The following GAD2 variants were observed in gnomAD, a reference collection of about 807,000 sequenced individuals.
GAD2 encodes glutamate decarboxylase 2.
GAD2 carries 22 observed loss-of-function variants against 80.1 expected under a neutral mutation model. That is an observed-to-expected ratio of 0.27 (90% CI 0.20 to 0.39). The LOEUF (loss-of-function observed/expected upper bound fraction) is 0.39. Ranked by LOEUF, GAD2 falls within the 10% of genes least tolerant of loss-of-function variation. The pLI, the probability that GAD2 is intolerant of heterozygous loss-of-function variation, is 1.00. For missense variants in GAD2, 624 were observed against 738.4 expected (o/e 0.85, Z 1.80); for synonymous variants, 274 against 256.9 (o/e 1.07, Z -0.64).
intron 8 of GAD2, among the ~76,000 whole-genome samples, chr10:26,262,513 A>G (rs1845021574): frequency 6.6e-6 from 1 of 151,734 alleles, no homozygotes; most frequent in Non-Finnish European, 1.5e-5. Flanking sequence ...TCAATGTCCC[A>G]TCTTTTGAAT....
At chr10:26,275,504 T>G (rs7900976) in intron 11 of GAD2, among the ~76,000 whole-genome samples, 36,471 of 152,152 alleles carry the variant, frequency 0.24, 4,974 homozygotes, top group African/African-American at 0.37. Context: ...GTAACTAAAC[T>G]TTTCAAATGG....
intron 8 of GAD2, among the ~76,000 whole-genome samples, chr10:26,265,078 C>T (rs954657808): frequency 6.6e-6 from 1 of 152,150 alleles, no homozygotes; most frequent in Non-Finnish European, 1.5e-5. Flanking sequence ...GTCCAAGGTA[C>T]ATTCTGTGTC....
At chr10:26,266,353 T>A (rs1458487845) in intron 8 of GAD2, among the ~76,000 whole-genome samples, 6 of 152,220 alleles carry the variant, frequency 3.9e-5, no homozygotes, top group Admixed American at 3.9e-4. Flanking sequence ...ATGATTATTA[T>A]GCTCACTAAA....
chr10:26,236,302 C>CTTTTTT (rs201706752), intron 7 of GAD2, among the ~76,000 whole-genome samples: 1 of 137,466 alleles, frequency 7.3e-6, no homozygotes, highest in African/African-American at 2.7e-5. Context: ...TTTCTTTTTT[C>CTTTTTT]TTTTTTTTTT....
chr10:26,268,813 G>C (rs936669567), intron 8 of GAD2, among the ~76,000 whole-genome samples: 2 of 152,166 alleles, frequency 1.3e-5, no homozygotes, highest in Non-Finnish European at 2.9e-5. Flanking sequence ...TCCAAATCAG[G>C]CTTGTTTTAA....
intron 13 of GAD2, among the ~76,000 whole-genome samples, 172 bp from the exon 14 acceptor site, chr10:26,292,293 G>A (rs1834224560): frequency 6.6e-6 from 1 of 152,164 alleles, no homozygotes; most frequent in Non-Finnish European, 1.5e-5. Flanking sequence ...CACCTGACGG[G>A]GAGAGCATTG....
intron 7 of GAD2, among the ~76,000 whole-genome samples, chr10:26,243,204 C>T (rs564725000): frequency 6.6e-6 from 1 of 152,198 alleles, no homozygotes; most frequent in Non-Finnish European, 1.5e-5. Flanking sequence ...CTTCTAGCTG[C>T]ACTGAGCTTG....
chr10:26,300,595 T>C (rs1834318916), intron 15 of GAD2, among the ~76,000 whole-genome samples, 193 bp from the exon 16 acceptor site: 1 of 152,194 alleles, frequency 6.6e-6, no homozygotes, highest in African/African-American at 2.4e-5. Flanking sequence ...TCTTATCACT[T>C]GCAGGATCTT....
chr10:26,284,616 G>A lies in GAD2; in HGVS notation c.1237-1729G>A, dbSNP rs548468147. ...ACGGGGTCTCTTTCTCTGTCGCCTAGGCTGAAGTGCAGTGATGTGATCTTG... is the reference window on the plus strand; with the variant it reads ...ACGGGGTCTCTTTCTCTGTCGCCTAAGCTGAAGTGCAGTGATGTGATCTTG... On this transcript the variant is annotated intron_variant, in intron 12 of 15. Transcript: ENST00000376261. 3.0e-4 allele frequency among the ~76,000 whole-genome samples: 40 copies of A among 131,930 alleles called. 1 individual carries two copies. Among genetic ancestry groups the A allele is most frequent in the African/African-American group, 1.2e-3 (40 of 33,820 alleles). 86.6% of individuals were successfully genotyped at this position (131,930 alleles called of 152,430 possible).
chr10:26,292,612 A>G (rs775574771), intron 14 of GAD2, 40 bp downstream of exon 14: 1 of 1,429,164 alleles, frequency 7.0e-7, no homozygotes, highest in Non-Finnish European at 9.9e-7. Context: ...AAGTTTAGTC[A>G]ATTCCAACCC....
chr10:26,259,842 T>C (rs1214607554), intron 8 of GAD2, among the ~76,000 whole-genome samples: 2 of 152,242 alleles, frequency 1.3e-5, no homozygotes, highest in Non-Finnish European at 2.9e-5. Flanking sequence ...GTTTTGGTTC[T>C]TACATTTAGA....
chr10:26,295,514 A>ATG (rs1420399705), intron 15 of GAD2, among the ~76,000 whole-genome samples: 10 of 150,432 alleles, frequency 6.6e-5, no homozygotes, highest in African/African-American at 2.4e-4. Flanking sequence ...GCATGCACAC[A>ATG]CACACACACA....
Position 26,216,887 on chromosome 10 carries a change from T to C in GAD2, c.76+2T>C, listed in dbSNP as rs1435068061. 1 of 1,608,190 alleles carries C rather than the reference T, an allele frequency of 6.2e-7. No homozygotes were observed. Among genetic ancestry groups the C allele is most frequent in the African/African-American group, 1.3e-5 (1 of 74,246 alleles). ...GGGATTCCGAGAATCCCGGCACAGG[T>C]AGGAAGGAGAACGGGGGCCTGCGGC... On this transcript the variant is annotated splice_donor_variant, in intron 1 of 15. Transcript: ENST00000376261. LOFTEE classifies it high-confidence loss of function. This position sits in a 1 kb window ranked among gnomAD's most constrained non-coding sequence, Gnocchi z 4.7.
chr10:26,293,022 G>A (rs771999819), intron 15 of GAD2, 31 bp downstream of exon 15: 2 of 1,527,978 alleles, frequency 1.3e-6, no homozygotes, highest in African/African-American at 2.7e-5. Context: ...TGATACATGT[G>A]TGTATTGAGC....
chr10:26,282,706 A>G (rs2132313207), intron 12 of GAD2, among the ~76,000 whole-genome samples: 1 of 152,304 alleles, frequency 6.6e-6, no homozygotes, highest in African/African-American at 2.4e-5. Context: ...TTATTTTCTC[A>G]AAGTAGACTC....
intron 7 of GAD2, among the ~76,000 whole-genome samples, chr10:26,244,836 A>G (rs12098763): frequency 0.19 from 28,632 of 152,082 alleles, 4,595 homozygotes; most frequent in African/African-American, 0.44. Context: ...TATATTTGAA[A>G]CCACTGAAAT....
intron 7 of GAD2, among the ~76,000 whole-genome samples, chr10:26,241,527 T>TCCTTAATG (rs956164885): frequency 1.3e-5 from 2 of 150,886 alleles, no homozygotes; most frequent in African/African-American, 4.9e-5. Flanking sequence ...ATGTCACATA[T>TCCTTAATG]CCTTAATGCC....
chr10:26,245,896 G>A lies in GAD2; in HGVS notation c.841-25G>A, dbSNP rs766545480. The A allele has an allele frequency of 1.9e-6, 3 of 1,571,464 alleles. No homozygotes were observed. The Admixed American group carries it at 5.0e-5, about 26-fold the overall frequency. Reference sequence around the variant, plus strand: ...ATCTTGTCTGTATATGGAACTAATTGCAAATATATATATTTTTTTTACAGA... The same window carrying A: ...ATCTTGTCTGTATATGGAACTAATTACAAATATATATATTTTTTTTACAGA... On this transcript the variant is annotated intron_variant, in intron 7 of 15. Transcript: ENST00000376261.
intron 8 of GAD2, among the ~76,000 whole-genome samples, chr10:26,256,422 T>A (rs1488545411): frequency 1.3e-5 from 2 of 152,208 alleles, no homozygotes; most frequent in African/African-American, 4.8e-5. Context: ...TTATTAAATG[T>A]ACATACCTTA....
Sources: allele counts gnomAD v4.1 joint callset (sites outside exome capture counted in the v4.1 genomes callset), GRCh38; gene constraint gnomAD v4.1.1; non-coding constraint Gnocchi (gnomAD v3.1); transcripts MANE v1.5; gene names NCBI Gene and HGNC (gene_info 2026-07-23, HGNC 2026-07-21).